Variants in GPC6 observed in about 807,000 individuals in gnomAD.
GPC6 encodes the protein glypican-6.
Under a neutral mutation model 55.2 loss-of-function variants are expected in GPC6, and 14 were observed. That is an observed-to-expected ratio of 0.25 (90% CI 0.17 to 0.40). The LOEUF is 0.40. GPC6 is among the 10% of genes least tolerant of loss of function. GPC6 has a pLI of 1.00. For missense variants in GPC6, 641 were observed against 708.5 expected (o/e 0.90, Z 1.08); for synonymous variants, 278 against 259.6 (o/e 1.07, Z -0.68).
At chr13:93,707,933 G>A (rs1042872443) in intron 2 of GPC6, among the ~76,000 whole-genome samples, 4 of 151,626 alleles carry the variant, frequency 2.6e-5, no homozygotes, top group African/African-American at 9.7e-5. Context: ...AATCAACAAA[G>A]GGAAATAATA....
chr13:93,675,146 T>C lies in GPC6; in HGVS notation c.319+129725T>C, dbSNP rs1957774541. Reference sequence around the variant, plus strand: ...AACAAGTGCAGTGTACAAGTAGTTATGATGTAGGTGCGCTTCCTTATGCAA... The same window carrying C: ...AACAAGTGCAGTGTACAAGTAGTTACGATGTAGGTGCGCTTCCTTATGCAA... On this transcript the variant is annotated intron_variant, in intron 2 of 8. Transcript: ENST00000377047. Among the ~76,000 whole-genome samples, 3 of 152,170 alleles carry C rather than the reference T, an allele frequency of 2.0e-5. No individual in the cohort carries two copies. In the South Asian group the frequency reaches 6.2e-4, roughly 32 times the overall value.
At chr13:93,737,017 C>T (rs1884028715) in intron 2 of GPC6, among the ~76,000 whole-genome samples, 1 of 152,202 alleles carries the variant, frequency 6.6e-6, no homozygotes, top group African/African-American at 2.4e-5. Flanking sequence ...TCTCCATTTT[C>T]CAATATGCCA....
intron 4 of GPC6, among the ~76,000 whole-genome samples, chr13:94,156,381 A>G (rs1195936956): frequency 6.6e-6 from 1 of 152,200 alleles, no homozygotes. Context: ...AGATATAGAT[A>G]CATATAGATA....
At chr13:93,666,047 C>A (rs909636512) in intron 2 of GPC6, among the ~76,000 whole-genome samples, 1 of 152,126 alleles carries the variant, frequency 6.6e-6, no homozygotes, top group Non-Finnish European at 1.5e-5. Context: ...GAGCAGAACA[C>A]TCAACTCAGC....
chr13:93,283,879 G>T (rs1280604434), intron 1 of GPC6, among the ~76,000 whole-genome samples: 1 of 152,152 alleles, frequency 6.6e-6, no homozygotes, highest in Non-Finnish European at 1.5e-5. Flanking sequence ...ACAACTTATG[G>T]AGTGGAGGGG....
At chr13:93,690,514 T>G (rs1051410927) in intron 2 of GPC6, among the ~76,000 whole-genome samples, 1 of 151,738 alleles carries the variant, frequency 6.6e-6, no homozygotes, top group African/African-American at 2.4e-5. Flanking sequence ...TAAAACTGAT[T>G]TTTTAATTTT....
At chr13:93,611,712 A>T (rs983948603) in intron 2 of GPC6, among the ~76,000 whole-genome samples, 62 of 152,260 alleles carry the variant, frequency 4.1e-4, no homozygotes, top group African/African-American at 1.3e-3. Flanking sequence ...GTTGTTGTTT[A>T]TCTCCTTTAG....
intron 2 of GPC6, among the ~76,000 whole-genome samples, chr13:93,589,002 T>G (rs1213459827): frequency 6.6e-6 from 1 of 152,146 alleles, no homozygotes; most frequent in Non-Finnish European, 1.5e-5. Context: ...AGGAAGACAT[T>G]AAGATACTAT....
At chr13:93,230,893 A>G (rs1397574539) in intron 1 of GPC6, among the ~76,000 whole-genome samples, 1 of 152,130 alleles carries the variant, frequency 6.6e-6, no homozygotes, top group East Asian at 1.9e-4. Flanking sequence ...TTATGCCTTG[A>G]GTCTTGCTAG....
intron 3 of GPC6, among the ~76,000 whole-genome samples, chr13:93,857,632 G>A (rs760902168): frequency 6.6e-6 from 1 of 151,490 alleles, no homozygotes; most frequent in Non-Finnish European, 1.5e-5. Context: ...AAAATATTGG[G>A]AATATCATAT....
At chr13:93,542,523 A>G (rs1190116012) in intron 1 of GPC6, among the ~76,000 whole-genome samples, 1 of 152,142 alleles carries the variant, frequency 6.6e-6, no homozygotes, top group Admixed American at 6.5e-5. Flanking sequence ...TTTTGGTTCC[A>G]TATGAACTTT....
chr13:93,756,569 T>C (rs1440952528), intron 2 of GPC6, among the ~76,000 whole-genome samples: 2 of 152,182 alleles, frequency 1.3e-5, no homozygotes, highest in Non-Finnish European at 1.5e-5. Flanking sequence ...TGGGGTGTTA[T>C]GTTTGTTCTG....
chr13:93,407,838 T>C (rs1049552638), intron 1 of GPC6, among the ~76,000 whole-genome samples: 1 of 152,140 alleles, frequency 6.6e-6, no homozygotes, highest in Non-Finnish European at 1.5e-5. Flanking sequence ...CTGGTTTATA[T>C]CATATGGCTG....
At chr13:93,424,720 A>T (rs1027803830) in intron 1 of GPC6, among the ~76,000 whole-genome samples, 1 of 152,076 alleles carries the variant, frequency 6.6e-6, no homozygotes, top group African/African-American at 2.4e-5. Context: ...AAAATGTGTG[A>T]GAGAGAGGTT....
At chr13:93,928,907 T>G (rs1268391727) in intron 3 of GPC6, among the ~76,000 whole-genome samples, 1 of 117,316 alleles carries the variant, frequency 8.5e-6, no homozygotes, top group Non-Finnish European at 1.7e-5. Context: ...ATATAGTAGG[T>G]GTGTGTGTGT....
At chr13:93,683,952 C>T (rs1802230099) in intron 2 of GPC6, among the ~76,000 whole-genome samples, 2 of 152,094 alleles carry the variant, frequency 1.3e-5, no homozygotes, top group African/African-American at 4.8e-5. Flanking sequence ...ATTGTGTCCT[C>T]ATGTGGCAGA....
intron 2 of GPC6, among the ~76,000 whole-genome samples, chr13:93,600,503 A>C (rs987562173): frequency 6.6e-6 from 1 of 152,202 alleles, no homozygotes; most frequent in African/African-American, 2.4e-5. Flanking sequence ...TACTCTATCT[A>C]AAACGTCTCC....
upstream of GPC6, among the ~76,000 whole-genome samples, chr13:93,221,920 A>G (rs1385557273): frequency 6.6e-6 from 1 of 152,248 alleles, no homozygotes; most frequent in Non-Finnish European, 1.5e-5. Context: ...TGATCTAAAA[A>G]ATACTAAGAA....
chr13:93,906,152 TTC>T (rs1276699646), intron 3 of GPC6, among the ~76,000 whole-genome samples: 1 of 151,970 alleles, frequency 6.6e-6, no homozygotes, highest in South Asian at 2.1e-4. Flanking sequence ...AAGTTTGTCT[TTC>T]TCTCTCATTC....
Sources: gnomAD v4.1 joint callset for allele counts (sites outside exome capture counted in the v4.1 genomes callset) on GRCh38, gnomAD v4.1.1 for gene constraint, MANE v1.5 for transcripts, NCBI Gene and HGNC (gene_info 2026-07-23, HGNC 2026-07-21) for gene names.